Variants in ADRA1B observed in about 807,000 individuals in gnomAD.
The protein encoded by ADRA1B is alpha-1B adrenergic receptor.
In ADRA1B, 17 loss-of-function variants were observed where a neutral mutation model predicts 17.9. The ratio of observed to expected loss-of-function variants is 0.95; its 90% CI spans 0.65 to 1.42. The LOEUF (loss-of-function observed/expected upper bound fraction) is 1.42. Among genes scored for constraint, ADRA1B ranks in the 40% most tolerant of loss-of-function variants. The pLI is 0.00. For missense variants in ADRA1B, 681 were observed against 722.1 expected, an observed-to-expected ratio of 0.94 and a Z score of 0.65; for synonymous variants, 366 against 327.6, an observed-to-expected ratio of 1.12 and a Z score of -1.27.
At chr5:159,938,047 CTTCTTA>C (rs987877232) in intron 1 of ADRA1B, among the ~76,000 whole-genome samples, 1 of 152,188 alleles carries the variant, frequency 6.6e-6, no homozygotes, top group Admixed American at 6.5e-5. Flanking sequence ...TGACTCTTCT[CTTCTTA>C]TTATCAGTGA....
chr5:159,902,775 C>G (rs1236124093), intron 1 of ADRA1B, among the ~76,000 whole-genome samples: 2 of 152,206 alleles, frequency 1.3e-5, no homozygotes. Flanking sequence ...TCCTCACTTT[C>G]CCCATCTATA....
chr5:159,945,909 G>C (rs1006129162), intron 1 of ADRA1B, among the ~76,000 whole-genome samples: 1 of 152,056 alleles, frequency 6.6e-6, no homozygotes, highest in Non-Finnish European at 1.5e-5. Context: ...CACCATGCCT[G>C]GCTAATTTTT....
chr5:159,978,560 A>G, the ADRA1B span, among the ~76,000 whole-genome samples: 2 of 152,132 alleles, frequency 1.3e-5, no homozygotes, highest in East Asian at 1.9e-4. Context: ...TCTGTCTATT[A>G]TCTGTACTAA....
At chr5:159,950,407 G>C (rs1755400670) in intron 1 of ADRA1B, 1 of 706,100 alleles carries the variant, frequency 1.4e-6, no homozygotes, top group South Asian at 1.5e-5. Flanking sequence ...CAGTGTCATG[G>C]GGGACTGTGT....
At chr5:159,928,554 A>C (rs908849776) in intron 1 of ADRA1B, among the ~76,000 whole-genome samples, 6 of 151,836 alleles carry the variant, frequency 4.0e-5, no homozygotes, top group African/African-American at 1.4e-4. Context: ...GCCCCATTTA[A>C]CTTTTTCCAA....
At chr5:159,984,356 C>A in the ADRA1B span, among the ~76,000 whole-genome samples, 1 of 152,092 alleles carries the variant, frequency 6.6e-6, no homozygotes, top group Non-Finnish European at 1.5e-5. Flanking sequence ...GGAAATGGAC[C>A]AATGTTCCCC....
rs1345517139 is a variant in ADRA1B, at chr5:159,945,754, T to TTG, written c.950-26124_950-26123insGT. ...CTGGTGGGTTTTTTTGTTTGTTTGTTTTTTTTTTTTTGAGACGGAGTCTTG... is the reference window on the plus strand; with the variant it reads ...CTGGTGGGTTTTTTTGTTTGTTTGTTTGTTTTTTTTTTTGAGACGGAGTCTTG... On this transcript the variant is annotated intron_variant, in intron 1 of 1. Coordinates refer to ENST00000306675, the MANE Select transcript of ADRA1B (RefSeq NM_000679.4). 3.4e-5 allele frequency among the ~76,000 whole-genome samples: 5 copies of TTG among 148,618 alleles called. No homozygotes were observed. In the South Asian group the frequency reaches 8.5e-4, roughly 25 times the overall value.
intron 1 of ADRA1B, chr5:159,865,319 T>C (rs1753640038): frequency 6.6e-6 from 1 of 152,030 alleles, no homozygotes; most frequent in Admixed American, 6.6e-5. Flanking sequence ...CCTTATGTAA[T>C]CTTGTGGGAT....
intron 1 of ADRA1B, among the ~76,000 whole-genome samples, chr5:159,967,309 A>G (rs1755792866): frequency 6.6e-6 from 1 of 152,236 alleles, no homozygotes; most frequent in South Asian, 2.1e-4. Context: ...ATGAAAAAGC[A>G]AACAATAAAA....
At chr5:159,894,018 G>T (rs1440914544) in intron 1 of ADRA1B, among the ~76,000 whole-genome samples, 1 of 152,176 alleles carries the variant, frequency 6.6e-6, no homozygotes, top group African/African-American at 2.4e-5. Context: ...AGTTTCACAG[G>T]ACTCAGGCTG....
At chr5:159,958,679 T>A (rs1321868863) in intron 1 of ADRA1B, among the ~76,000 whole-genome samples, 1 of 152,242 alleles carries the variant, frequency 6.6e-6, no homozygotes, top group Non-Finnish European at 1.5e-5. Context: ...TTAATTAGAC[T>A]GTTTTGAATT....
At chr5:159,904,409 T>C (rs1387556927) in intron 1 of ADRA1B, among the ~76,000 whole-genome samples, 1 of 152,238 alleles carries the variant, frequency 6.6e-6, no homozygotes, top group Non-Finnish European at 1.5e-5. Flanking sequence ...AGACCTGCTT[T>C]AATTCAAGGA....
intron 1 of ADRA1B, among the ~76,000 whole-genome samples, chr5:159,941,306 G>A (rs1463311867): frequency 6.6e-6 from 1 of 152,224 alleles, no homozygotes; most frequent in Non-Finnish European, 1.5e-5. Context: ...AAGTTCTGCT[G>A]GACAGTGCTG....
chr5:159,914,401 A>T (rs1299151312), upstream of ADRA1B, among the ~76,000 whole-genome samples: 1 of 152,192 alleles, frequency 6.6e-6, no homozygotes, highest in East Asian at 1.9e-4. Flanking sequence ...CTCTTTCCCT[A>T]GTGCACCACC....
At chr5:159,880,412 T>TA (rs1442504792) in intron 1 of ADRA1B, among the ~76,000 whole-genome samples, 1 of 152,188 alleles carries the variant, frequency 6.6e-6, no homozygotes, top group Non-Finnish European at 1.5e-5. Context: ...TCAAAGGTGA[T>TA]AAAACAGGCC....
intron 1 of ADRA1B, among the ~76,000 whole-genome samples, chr5:159,910,766 G>A (rs1393830252): frequency 6.6e-6 from 1 of 152,204 alleles, no homozygotes; most frequent in Non-Finnish European, 1.5e-5. Context: ...GATCTCTAGA[G>A]TTTTCTAGTT....
At position 159,894,767 on chromosome 5, in the gene ADRA1B, C is replaced by T. The variant is rs147897022; in HGVS notation, c.-255-21352C>T. Among the ~76,000 whole-genome samples, 609 of 152,308 alleles carry T rather than the reference C, an allele frequency of 4.0e-3. 4 individuals carry two copies. Among genetic ancestry groups the T allele is most frequent in the Middle Eastern group, 0.01 (3 of 294 alleles). Reference sequence around the variant, plus strand: ...CTCACTATGCAGGGCCCCTCACACGCATTCTCTCGTGTCAGCTCTCTAGCC... The same window carrying T: ...CTCACTATGCAGGGCCCCTCACACGTATTCTCTCGTGTCAGCTCTCTAGCC... On this transcript the variant is annotated intron_variant, in intron 1 of 2. Coordinates refer to the ADRA1B transcript ENST00000641205.
At chr5:159,976,848 G>A (rs1755980533), downstream of ADRA1B, among the ~76,000 whole-genome samples, 1 of 152,144 alleles carries the variant, frequency 6.6e-6, no homozygotes, top group Non-Finnish European at 1.5e-5. Context: ...AGGGGACCAG[G>A]ACAGTGGCCC....
At chr5:159,896,612 TATG>T (rs1250445885) in intron 1 of ADRA1B, among the ~76,000 whole-genome samples, 1 of 152,206 alleles carries the variant, frequency 6.6e-6, no homozygotes, top group African/African-American at 2.4e-5. Flanking sequence ...GGAAACGAAA[TATG>T]ATGTGAAATG....
Sources: allele counts gnomAD v4.1 joint callset (sites outside exome capture counted in the v4.1 genomes callset), GRCh38; gene constraint gnomAD v4.1.1; transcripts MANE v1.5; gene names NCBI Gene and HGNC (gene_info 2026-07-23, HGNC 2026-07-21).